FABP12: variants seen among roughly 807,000 people sequenced by gnomAD.
FABP12 encodes fatty acid binding protein 12, also known as fatty acid-binding protein 12.
FABP12 carries 19 observed loss-of-function variants against 13.7 expected under a neutral mutation model. The observed-to-expected ratio is 1.39, with a 90% confidence interval of 0.97 to 2.04. The LOEUF is 2.04. Ranked by LOEUF, FABP12 falls within the 30% of genes most tolerant of loss-of-function variation. FABP12 has a pLI of 0.00. For synonymous variants in FABP12, 61 were observed against 57.0 expected (o/e 1.07, Z -0.32); for missense variants, 182 against 164.2 (o/e 1.11, Z -0.59).
chr8:81,551,000 T>C (rs1308744295), intron 1 of FABP12, among the ~76,000 whole-genome samples: 1 of 152,168 alleles, frequency 6.6e-6, no homozygotes, highest in Non-Finnish European at 1.5e-5. Flanking sequence ...AAATAGTATC[T>C]GAGTTGAAAA....
intron 2 of FABP12, among the ~76,000 whole-genome samples, chr8:81,539,253 T>C (rs1175238998): frequency 6.6e-6 from 1 of 152,014 alleles, no homozygotes; most frequent in African/African-American, 2.4e-5. Context: ...CAGTTAAAAA[T>C]GATAATACTT....
intron 1 of FABP12, among the ~76,000 whole-genome samples, chr8:81,569,756 C>T (rs1563555389): frequency 6.6e-6 from 1 of 152,208 alleles, no homozygotes; most frequent in Non-Finnish European, 1.5e-5. Context: ...CCAGCAGTCT[C>T]TTAGTCATAA....
rs556570827 is a variant in FABP12, at chr8:81,549,461, G to A, written c.-184-9718C>T. Among the ~76,000 whole-genome samples, 89 of 152,230 alleles carry A rather than the reference G, an allele frequency of 5.8e-4. 1 individual carries two copies. The South Asian group carries it at 0.011, about 19-fold the overall frequency. On this transcript the variant is annotated intron_variant, in intron 1 of 5. Transcript: ENST00000692030. ...GTTGCCTTCGCCACTCACAGACAGA[G>A]CAAACACCAGTGTATAGCGTTGGTC...
chr8:81,561,809 C>A (rs1448039943), intron 1 of FABP12, among the ~76,000 whole-genome samples: 1 of 152,154 alleles, frequency 6.6e-6, no homozygotes, highest in African/African-American at 2.4e-5. Context: ...TTCCAGCTAG[C>A]CCCATCACTG....
intron 1 of FABP12, among the ~76,000 whole-genome samples, chr8:81,547,652 C>A (rs1355522869): frequency 6.6e-6 from 1 of 152,166 alleles, no homozygotes; most frequent in East Asian, 1.9e-4. Flanking sequence ...ACGTTTTAGT[C>A]CCAGATAATG....
intron 3 of FABP12, among the ~76,000 whole-genome samples, chr8:81,528,795 C>G (rs1020184368): frequency 6.6e-6 from 1 of 152,078 alleles, no homozygotes; most frequent in African/African-American, 2.4e-5. Flanking sequence ...CTGTGTGGCA[C>G]TTTCAGGGTG....
chr8:81,571,345 T>C (rs111936375), intron 1 of FABP12, among the ~76,000 whole-genome samples: 13 of 152,300 alleles, frequency 8.5e-5, no homozygotes, highest in African/African-American at 3.1e-4. Context: ...CAGCCGCACT[T>C]GGTCATCCCG....
intron 4 of FABP12, among the ~76,000 whole-genome samples, chr8:81,525,632 A>G (rs1740810336): frequency 6.6e-6 from 1 of 151,986 alleles, no homozygotes; most frequent in Non-Finnish European, 1.5e-5. Flanking sequence ...CATGTTCTAT[A>G]TAACCTATGT....
upstream of FABP12, among the ~76,000 whole-genome samples, chr8:81,537,144 GA>G (rs1433128359): frequency 1.3e-5 from 2 of 152,068 alleles, no homozygotes; most frequent in African/African-American, 4.8e-5. Context: ...TTAATATAAG[GA>G]GCCAAACTCC....
chr8:81,582,575 T>C (rs7833015), intron 1 of FABP12, among the ~76,000 whole-genome samples: 2,426 of 152,034 alleles, frequency 0.016, 57 homozygotes, highest in African/African-American at 0.055. Flanking sequence ...TCAAATAAAA[T>C]AGACTTTAAG....
intron 4 of FABP12, chr8:81,526,048 T>C (rs1268995892): frequency 6.6e-6 from 1 of 152,212 alleles, no homozygotes; most frequent in Non-Finnish European, 1.5e-5. Context: ...AAAAGCTTTC[T>C]GTTTATTGGC....
intron 1 of FABP12, among the ~76,000 whole-genome samples, chr8:81,586,782 G>C (rs140230804): frequency 1.3e-5 from 2 of 152,106 alleles, no homozygotes; most frequent in Non-Finnish European, 2.9e-5. Flanking sequence ...TTGATGTACC[G>C]ATGCTTTTTA....
chr8:81,567,728 C>A (rs1368458475), intron 1 of FABP12, among the ~76,000 whole-genome samples: 1 of 152,174 alleles, frequency 6.6e-6, no homozygotes, highest in Non-Finnish European at 1.5e-5. Flanking sequence ...ATTGGGGAAA[C>A]TCTTCAGGAC....
intron 1 of FABP12, among the ~76,000 whole-genome samples, chr8:81,586,686 G>T (rs2130114022): frequency 6.6e-6 from 1 of 151,934 alleles, no homozygotes; most frequent in East Asian, 1.9e-4. Flanking sequence ...TTTTTTAATG[G>T]GGCTGTTTGG....
chr8:81,576,214 C>A (rs1055404519), intron 1 of FABP12, among the ~76,000 whole-genome samples: 3 of 152,040 alleles, frequency 2.0e-5, no homozygotes, highest in Admixed American at 1.3e-4. Flanking sequence ...AAATAAGAAG[C>A]ACAAAAAAAT....
chr8:81,572,933 G>A (rs1386834712), intron 1 of FABP12, among the ~76,000 whole-genome samples: 4 of 145,676 alleles, frequency 2.7e-5, no homozygotes, highest in Non-Finnish European at 6.2e-5. Context: ...CTTTTGCCCT[G>A]CAAAACTCCT....
intron 1 of FABP12, among the ~76,000 whole-genome samples, chr8:81,558,753 G>A (rs1585849960): frequency 6.6e-6 from 1 of 151,978 alleles, no homozygotes; most frequent in African/African-American, 2.4e-5. Flanking sequence ...ATCCGGGCAT[G>A]GTGGCACACG....
chr8:81,563,986 C>T (rs1337910027), intron 1 of FABP12, among the ~76,000 whole-genome samples: 2 of 152,050 alleles, frequency 1.3e-5, no homozygotes, highest in Non-Finnish European at 2.9e-5. Context: ...TACCTCAAAA[C>T]ATTTAATAAT....
intron 4 of FABP12, among the ~76,000 whole-genome samples, chr8:81,525,531 TAGATAG>T (rs139194597): frequency 4.9e-5 from 7 of 144,060 alleles, no homozygotes; most frequent in African/African-American, 1.8e-4. Context: ...AAAAAAAAAA[TAGATAG>T]ATAGATAGAT....
Sources: allele counts gnomAD v4.1 joint callset (sites outside exome capture counted in the v4.1 genomes callset), GRCh38; gene constraint gnomAD v4.1.1; transcripts MANE v1.5; gene names NCBI Gene and HGNC (gene_info 2026-07-23, HGNC 2026-07-21).